Variants in TMTC2 observed in about 807,000 individuals in gnomAD.
The protein encoded by TMTC2 is transmembrane O-mannosyltransferase targeting cadherins 2.
Under a neutral mutation model 82.4 loss-of-function variants are expected in TMTC2, and 43 were observed. That is an observed-to-expected ratio of 0.52 (90% CI 0.41 to 0.67). TMTC2 has a LOEUF of 0.67. Ranked by LOEUF, TMTC2 falls within the 30% of genes least tolerant of loss-of-function variation. TMTC2 has a pLI of 0.00. For missense variants in TMTC2, 919 were observed against 1,012.4 expected, an observed-to-expected ratio of 0.91 and a Z score of 1.25; for synonymous variants, 408 against 381.9, an observed-to-expected ratio of 1.07 and a Z score of -0.80.
chr12:82,986,256 A>G (rs1436166044), intron 8 of TMTC2: 3 of 553,656 alleles, frequency 5.4e-6, no homozygotes, highest in Non-Finnish European at 6.4e-6. Context: ...AGATGTCTGT[A>G]TCTTACATCT....
intron 4 of TMTC2, among the ~76,000 whole-genome samples, chr12:82,958,360 A>AAAAAAAC (rs1877727084): frequency 2.7e-5 from 1 of 37,020 alleles, no homozygotes; most frequent in African/African-American, 8.5e-5. Flanking sequence ...GTCTCAAAAA[A>AAAAAAAC]AAAAAAAAAA....
intron 1 of TMTC2, among the ~76,000 whole-genome samples, chr12:82,738,789 A>G (rs1329704226): frequency 6.6e-6 from 1 of 152,298 alleles, no homozygotes; most frequent in South Asian, 2.1e-4. Flanking sequence ...AACCATAGTC[A>G]TTTTTATCAG....
At position 82,774,633 on chromosome 12, in the gene TMTC2, ATTT is replaced by A. The variant is rs1211938967; in HGVS notation, c.84-82362_84-82360del. Among the ~76,000 whole-genome samples the A allele has an allele frequency of 1.3e-3, 164 of 130,998 alleles. 1 individual carries two copies. Among genetic ancestry groups the A allele is most frequent in the Non-Finnish European group, 2.3e-3 (144 of 61,470 alleles). 85.9% of individuals were successfully genotyped at this position (130,998 alleles called of 152,430 possible). ...AAGACTGTCTCAAAAAAAAAGAACA[ATTT>A]TTTTTTTTTTTTTTGTCTGGGGATG... is the stretch of plus-strand genomic sequence containing the variant. On this transcript the variant is annotated intron_variant, in intron 1 of 11. Transcript: ENST00000321196.
chr12:82,773,533 T>A (rs559774549), intron 1 of TMTC2, among the ~76,000 whole-genome samples: 35 of 151,696 alleles, frequency 2.3e-4, no homozygotes, highest in Middle Eastern at 3.4e-3. Flanking sequence ...CGATCTCGGC[T>A]CACTGCAGCC....
chr12:82,863,196 T>TA (rs138417333), intron 2 of TMTC2, among the ~76,000 whole-genome samples: 4,686 of 152,136 alleles, frequency 0.031, 242 homozygotes, highest in African/African-American at 0.11. Flanking sequence ...TGAAATATGA[T>TA]ATATTTACCG....
At chr12:82,874,233 T>C (rs1051421699) in intron 2 of TMTC2, among the ~76,000 whole-genome samples, 1 of 152,190 alleles carries the variant, frequency 6.6e-6, no homozygotes, top group East Asian at 1.9e-4. Flanking sequence ...ACCCTGCAGT[T>C]CTAATCAGGA....
At chr12:82,848,695 T>G (rs1870814824) in intron 1 of TMTC2, among the ~76,000 whole-genome samples, 2 of 152,170 alleles carry the variant, frequency 1.3e-5, no homozygotes, top group Non-Finnish European at 2.9e-5. Context: ...GTGTGCTATT[T>G]TCAAAGCATA....
rs191170782 is a variant in TMTC2, at chr12:82,855,454, A to T, written c.84-1556A>T. Among the ~76,000 whole-genome samples, 41 of 152,320 alleles carry T rather than the reference A, an allele frequency of 2.7e-4. No homozygotes were observed. The East Asian group carries it at 6.8e-3, about 25-fold the overall frequency. On this transcript the variant is annotated intron_variant, in intron 1 of 11. Coordinates refer to ENST00000321196, the MANE Select transcript of TMTC2 (RefSeq NM_152588.3). ...GAGGGCCTAGAGTTGAACATCATTA[A>T]GACAGTCTCCCACAACATAGTCTTT...
At chr12:83,017,968 T>C (rs1453439546) in intron 8 of TMTC2, among the ~76,000 whole-genome samples, 1 of 149,970 alleles carries the variant, frequency 6.7e-6, no homozygotes, top group Admixed American at 6.7e-5. Flanking sequence ...TCTAAATAAA[T>C]TAAACCTCTA....
intron 9 of TMTC2, among the ~76,000 whole-genome samples, chr12:83,037,075 A>G (rs1264208709): frequency 2.6e-5 from 4 of 152,152 alleles, no homozygotes; most frequent in African/African-American, 7.2e-5. Flanking sequence ...CATCATCACC[A>G]TATTGAGGAT....
At chr12:82,786,394 A>G (rs1878176553) in intron 1 of TMTC2, among the ~76,000 whole-genome samples, 1 of 152,060 alleles carries the variant, frequency 6.6e-6, no homozygotes, top group Admixed American at 6.6e-5. Flanking sequence ...TTGCCCAATA[A>G]ATTGTAATGG....
intron 11 of TMTC2, among the ~76,000 whole-genome samples, chr12:83,129,999 G>A (rs1383861071): frequency 6.6e-6 from 1 of 152,168 alleles, no homozygotes; most frequent in Admixed American, 6.5e-5. Flanking sequence ...TGGTAATAAA[G>A]TGATTCAAGA....
chr12:83,118,417 T>G (rs998411435), intron 11 of TMTC2, among the ~76,000 whole-genome samples: 1 of 152,218 alleles, frequency 6.6e-6, no homozygotes, highest in African/African-American at 2.4e-5. Flanking sequence ...TTTCGGCATC[T>G]ATTAAGATGA....
chr12:83,032,014 A>G (rs1199809713), intron 9 of TMTC2, among the ~76,000 whole-genome samples: 1 of 151,926 alleles, frequency 6.6e-6, no homozygotes, highest in Non-Finnish European at 1.5e-5. Context: ...TTATTTTTAT[A>G]GGTTTTCCTA....
intron 1 of TMTC2, among the ~76,000 whole-genome samples, chr12:82,716,290 A>G (rs1355738307): frequency 1.3e-5 from 2 of 150,998 alleles, no homozygotes; most frequent in African/African-American, 4.9e-5. Flanking sequence ...AAAAATCATT[A>G]TGCTATTACC....
chr12:83,114,661 A>G (rs1243323418), intron 11 of TMTC2, among the ~76,000 whole-genome samples: 2 of 152,188 alleles, frequency 1.3e-5, no homozygotes, highest in African/African-American at 4.8e-5. Context: ...GATCTCCATC[A>G]GACAGCTATT....
intron 1 of TMTC2, among the ~76,000 whole-genome samples, chr12:82,779,547 T>C (rs967080708): frequency 6.6e-6 from 1 of 152,158 alleles, no homozygotes; most frequent in Admixed American, 6.5e-5. Context: ...ATAGTGAAGA[T>C]GTGATAATAG....
chr12:82,965,890 T>C (rs1878184703), intron 6 of TMTC2, 146 bp downstream of exon 6: 1 of 776,906 alleles, frequency 1.3e-6, no homozygotes, highest in Admixed American at 2.6e-5. Flanking sequence ...GAGAAACTAA[T>C]ACATGATGAC....
chr12:83,091,086 C>A (rs966573216), intron 11 of TMTC2, among the ~76,000 whole-genome samples: 8 of 152,140 alleles, frequency 5.3e-5, no homozygotes, highest in African/African-American at 1.9e-4. Context: ...TGTTCTAAAG[C>A]CCAGCACATC....
Sources: allele counts gnomAD v4.1 joint callset (sites outside exome capture counted in the v4.1 genomes callset), GRCh38; gene constraint gnomAD v4.1.1; transcripts MANE v1.5; gene names NCBI Gene and HGNC (gene_info 2026-07-23, HGNC 2026-07-21).